The following GNAT2 variants were observed in gnomAD, a reference collection of about 807,000 sequenced individuals.
GNAT2 encodes the protein guanine nucleotide-binding protein G(t) subunit alpha-2.
Under a neutral mutation model 40.9 loss-of-function variants are expected in GNAT2, and 32 were observed. The ratio of observed to expected loss-of-function variants is 0.78; its 90% CI spans 0.59 to 1.05. The LOEUF (loss-of-function observed/expected upper bound fraction) is 1.05. Ranked by LOEUF, GNAT2 falls within the 50% of genes least tolerant of loss-of-function variation. The pLI is 0.00. For missense variants in GNAT2, 355 were observed against 431.5 expected (o/e 0.82, Z 1.57); for synonymous variants, 141 against 157.2 (o/e 0.90, Z 0.77).
At chr1:109,612,422 C>CTGCA in intron 2 of GNAT2, 1 of 370,372 alleles carries the variant, frequency 2.7e-6, no homozygotes, top group Middle Eastern at 9.1e-4. Flanking sequence ...TGGGTACAGT[C>CTGCA]TGCAAGTCCA....
intron 7 of GNAT2, chr1:109,605,758 C>G: frequency 1.9e-6 from 1 of 528,774 alleles, no homozygotes; most frequent in South Asian, 1.9e-5. Flanking sequence ...ACCAAGCTCA[C>G]TGTCAGTAAA....
At chr1:109,613,808 C>T (rs1649871036) in intron 1 of GNAT2, 1 of 152,202 alleles carries the variant, frequency 6.6e-6, no homozygotes, top group African/African-American at 2.4e-5. Context: ...CATAAATGAA[C>T]TTTGCTGGTA....
At chr1:109,607,451 C>CA (rs35202692) in intron 5 of GNAT2, 52,284 of 127,056 alleles carry the variant, frequency 0.41, 12,279 homozygotes, top group East Asian at 0.67. Context: ...ACTCCGTCTC[C>CA]AAAAAAAAAA....
In GNAT2 at chr1:109,603,329, A is replaced by ACTT; in HGVS notation, c.*22_*24dup. The ACTT allele has an allele frequency of 7.3e-7, 1 of 1,361,560 alleles. No homozygotes were observed. The highest frequency in any genetic ancestry group is 1.1e-6 in the Non-Finnish European group (1 of 950,854). 84.3% of individuals were successfully genotyped at this position (1,361,560 alleles called of 1,614,324 possible). On this transcript the variant is annotated 3_prime_UTR_variant, in exon 9 of 9. Transcript: ENST00000679935. ...CCCAGATTCCAAGCCTGTTTATAGA[A>ACTT]CTTATACCTGAGGAATGGTGAGGAT...
At chr1:109,605,520 C>CTTA (rs1262748506) in intron 7 of GNAT2, 2 of 283,310 alleles carry the variant, frequency 7.1e-6, no homozygotes, top group African/African-American at 4.4e-5. Flanking sequence ...CATTTTTAGC[C>CTTA]TCCTAAGTGG....
At chr1:109,606,475 C>T in intron 5 of GNAT2, 39 bp from the exon 6 acceptor site, 1 of 1,595,852 alleles carries the variant, frequency 6.3e-7, no homozygotes, top group Non-Finnish European at 8.6e-7. Context: ...AAATTTTCCA[C>T]AGACGAGGCT....
intron 2 of GNAT2, chr1:109,612,215 A>G (rs111253052): frequency 7.0e-4 from 138 of 196,780 alleles, no homozygotes; most frequent in African/African-American, 3.1e-3. Context: ...GTACATAAAG[A>G]CACCATTCCT....
chr1:109,616,685 T>G (rs997274634), intron 1 of GNAT2: 1 of 152,252 alleles, frequency 6.6e-6, no homozygotes, highest in African/African-American at 2.4e-5. Flanking sequence ...CACATCTGAC[T>G]GTCAGACTGA....
chr1:109,610,381 A>G, intron 3 of GNAT2, 84 bp downstream of exon 3: 1 of 1,401,414 alleles, frequency 7.1e-7, no homozygotes, highest in Middle Eastern at 1.7e-4. Flanking sequence ...CTTGAGGCTA[A>G]AGAGCCTTTC....
At chr1:109,613,299 A>G in intron 1 of GNAT2, 1 of 283,644 alleles carries the variant, frequency 3.5e-6, no homozygotes, top group South Asian at 3.6e-5. Flanking sequence ...ATTTATTTGC[A>G]TCATAGAGCT....
intron 1 of GNAT2, chr1:109,614,368 C>T (rs915658312): frequency 2.0e-5 from 3 of 152,084 alleles, no homozygotes; most frequent in Non-Finnish European, 2.9e-5. Context: ...CCCTGCTTTC[C>T]GAGATGTTAA....
Position 109,604,015 on chromosome 1 carries a change from CTTG to C in GNAT2, c.807_809del (p.Asn269del). The C allele has an allele frequency of 1.2e-6, 2 of 1,609,232 alleles. No individual in the cohort carries two copies. Among genetic ancestry groups the C allele is most frequent in the Non-Finnish European group, 1.7e-6 (2 of 1,175,626 alleles). ...TGATTTTTTCCTCAAAGAGGTCCTT[CTTG>C]TTGAGAAAGAGGACAATGGAAGTAG... is the stretch of plus-strand genomic sequence containing the variant. On this transcript the variant is annotated inframe_deletion, in exon 8 of 9. Coordinates refer to ENST00000679935, the MANE Select transcript of GNAT2 (RefSeq NM_001377295.2).
rs1649697852 is a variant in GNAT2, at chr1:109,608,709, C to G, written c.383G>C (p.Arg128Thr). Residue 128 changes from arginine to threonine, a missense_variant, in exon 5 of 9, where the codon AGG becomes ACG. Physicochemically the swap from Arg to Thr is moderately conservative, Grantham distance 71. Coordinates refer to ENST00000679935, the MANE Select transcript of GNAT2 (RefSeq NM_001377295.2). ...TMPPELVEVI[R>T]RLWKDGGVQA... is the part of the protein sequence containing the mutation. ...CACCCCACCATCCTTCCACAACCTC[C>G]TAATGACCTCCACGAGCTCAGGAGG... is the stretch of plus-strand genomic sequence containing the variant. 6.2e-7 allele frequency: 1 copy of G among 1,614,028 alleles called. No individual in the cohort carries two copies. Among genetic ancestry groups the G allele is most frequent in the Non-Finnish European group, 8.5e-7 (1 of 1,179,868 alleles).
Position 109,605,997 on chromosome 1 carries a change from A to G in GNAT2, c.693T>C (p.Asp231=). 6.2e-7 allele frequency: 1 copy of G among 1,613,662 alleles called. No homozygotes were observed. Among genetic ancestry groups the G allele is most frequent in the Admixed American group, 1.7e-5 (1 of 60,014 alleles). Residue 231 remains aspartate, a synonymous_variant, in exon 7 of 9, where the codon GAT becomes GAC. Transcript: ENST00000679935. ...IIFCAALSAY[D]MVLVEDDEVN... ...CTTCGTCATCTTCCACCAGCACCAT[A>G]TCATAGGCACTGAGGGCTGCACAGA...
chr1:109,611,195 T>G (rs1570565765), intron 2 of GNAT2: 1 of 139,504 alleles, frequency 7.2e-6, no homozygotes, highest in African/African-American at 2.6e-5. Context: ...TTTTTTTTTT[T>G]GAGACAGTCT....
chr1:109,610,700 T>C, intron 2 of GNAT2, 193 bp from the exon 3 acceptor site: 1 of 656,170 alleles, frequency 1.5e-6, no homozygotes, highest in East Asian at 2.7e-5. Context: ...AGCAGTTTCT[T>C]AACTTCAGTA....
Position 109,610,470 on chromosome 1 carries a change from CTGTT to C in GNAT2, c.152_155del (p.Lys51ArgfsTer2). 6.2e-7 allele frequency: 1 copy of C among 1,613,872 alleles called. No homozygotes were observed. Among genetic ancestry groups the C allele is most frequent in the Non-Finnish European group, 8.5e-7 (1 of 1,179,776 alleles). On this transcript the variant is annotated frameshift_variant, in exon 3 of 9. Coordinates refer to ENST00000679935, the MANE Select transcript of GNAT2 (RefSeq NM_001377295.2). LOFTEE classifies it high-confidence loss of function. ...GGGGCTTTGTTTCTACTCACTTCATCTGTTTGACGATGGTGCTCTTTCCTGACTC... is the reference window on the plus strand; with the variant it reads ...GGGGCTTTGTTTCTACTCACTTCATCTGACGATGGTGCTCTTTCCTGACTC...
chr1:109,609,038 C>T (rs1018401845), intron 4 of GNAT2: 1 of 536,530 alleles, frequency 1.9e-6, no homozygotes, highest in South Asian at 2.0e-5. Context: ...GGTATTTCCT[C>T]TCTGGAGTTT....
At chr1:109,608,823 G>T (rs1289604332) in intron 4 of GNAT2, 35 bp from the exon 5 acceptor site, 1 of 1,579,618 alleles carries the variant, frequency 6.3e-7, no homozygotes, top group Non-Finnish European at 8.7e-7. Flanking sequence ...AACTTCACAG[G>T]AGTAATAGCT....
Sources: allele counts gnomAD v4.1 joint callset, GRCh38; gene constraint gnomAD v4.1.1; transcripts MANE v1.5; gene names NCBI Gene and HGNC (gene_info 2026-07-23, HGNC 2026-07-21).